The following PELI2 variants were observed in gnomAD, a reference collection of about 807,000 sequenced individuals.
PELI2 encodes the protein E3 ubiquitin-protein ligase pellino homolog 2.
A neutral mutation model predicts 42.3 loss-of-function variants in PELI2; 23 were observed. The ratio of observed to expected loss-of-function variants is 0.54; its 90% CI spans 0.39 to 0.77. The LOEUF (loss-of-function observed/expected upper bound fraction) is 0.77, where lower values mean the gene tolerates loss of function less well. PELI2 is among the 30% of genes least tolerant of loss of function. The pLI is 0.00. For synonymous variants in PELI2, 245 were observed against 212.2 expected (o/e 1.15, Z -1.34); for missense variants, 463 against 553.2 (o/e 0.84, Z 1.64).
intron 2 of PELI2, among the ~76,000 whole-genome samples, chr14:56,182,352 C>G (rs371923199): frequency 6.6e-6 from 1 of 152,008 alleles, no homozygotes; most frequent in South Asian, 2.1e-4. Flanking sequence ...TTTATGTGTT[C>G]GTTTACTTTT....
chr14:56,219,773 A>T lies in PELI2; in HGVS notation c.207+41309A>T, dbSNP rs186009889. On this transcript the variant is annotated intron_variant, in intron 2 of 5. Coordinates refer to ENST00000267460, the MANE Select transcript of PELI2 (RefSeq NM_021255.3). The surrounding 1 kb of genome is among the most constrained non-coding windows in gnomAD (Gnocchi z 4.1). Reference sequence around the variant, plus strand: ...AAATGACACGACATGCCTTGACTCTATTCAGTTAGAGTCATTTATTTATTT... The same window carrying T: ...AAATGACACGACATGCCTTGACTCTTTTCAGTTAGAGTCATTTATTTATTT... 2.0e-5 allele frequency among the ~76,000 whole-genome samples: 3 copies of T among 152,316 alleles called. No homozygotes were observed. The highest frequency in any genetic ancestry group is 1.9e-4 in the East Asian group (1 of 5,184).
At chr14:56,218,702 C>T (rs201107628) in intron 2 of PELI2, among the ~76,000 whole-genome samples, 7 of 149,708 alleles carry the variant, frequency 4.7e-5, no homozygotes, top group African/African-American at 1.2e-4. Context: ...CACATGTGTG[C>T]GTGTGTGTGT....
chr14:56,205,330 C>G (rs1386254538), intron 2 of PELI2, among the ~76,000 whole-genome samples: 1 of 152,042 alleles, frequency 6.6e-6, no homozygotes, highest in Non-Finnish European at 1.5e-5. Flanking sequence ...ATAGTGGAGT[C>G]AAGGAAGGAT....
Position 56,219,178 on chromosome 14 carries a change from A to G in PELI2, c.207+40714A>G, listed in dbSNP as rs1887032762. ...TTTTTTTGGATGACTTGAGGACAAT[A>G]AGGTGTTTGTTTATTTATTTATTTA... On this transcript the variant is annotated intron_variant, in intron 2 of 5. Transcript: ENST00000267460. The surrounding 1 kb of genome is among the most constrained non-coding windows in gnomAD (Gnocchi z 4.1). Among the ~76,000 whole-genome samples, 1 of 151,778 alleles carries G rather than the reference A, an allele frequency of 6.6e-6. No homozygotes were observed. Among genetic ancestry groups the G allele is most frequent in the Non-Finnish European group, 1.5e-5 (1 of 67,958 alleles).
intron 1 of PELI2, among the ~76,000 whole-genome samples, chr14:56,155,655 C>T (rs1269320068): frequency 6.6e-6 from 1 of 150,856 alleles, no homozygotes; most frequent in Non-Finnish European, 1.5e-5. Context: ...GATCTCGGCT[C>T]ACTGCAACCT....
chr14:56,199,988 G>A (rs1159677759), intron 2 of PELI2, among the ~76,000 whole-genome samples: 2 of 152,154 alleles, frequency 1.3e-5, no homozygotes, highest in East Asian at 3.8e-4. Flanking sequence ...GTAGACAGTG[G>A]GTCTGTATGA....
At position 56,297,800 on chromosome 14, in the gene PELI2, C is replaced by G. The variant is rs1026928965; in HGVS notation, c.*634C>G. 2 of 150,056 alleles carry G rather than the reference C, an allele frequency of 1.3e-5. No individual in the cohort carries two copies. Among genetic ancestry groups the G allele is most frequent in the African/African-American group, 4.9e-5 (2 of 40,624 alleles). The allele number at this position is 150,056 out of a possible 1,614,324, so 9.3% of individuals were successfully genotyped here. A position where few individuals can be genotyped will look rare whatever the true frequency, so the allele number is the denominator to read the frequency against. ...TTTTTTTTAACTTCAGTGGAATTTA[C>G]TTTAGATATTCATTCATCAAATACA... On this transcript the variant is annotated 3_prime_UTR_variant, in exon 6 of 6. Transcript: ENST00000267460.
At position 56,293,328 on chromosome 14, in the gene PELI2, T is replaced by C. The variant is rs188156364; in HGVS notation, c.696+2872T>C. Among the ~76,000 whole-genome samples, 874 of 152,254 alleles carry C rather than the reference T, an allele frequency of 5.7e-3. 9 individuals are homozygous for C. The highest frequency in any genetic ancestry group is 0.014 in the Middle Eastern group (4 of 294). On this transcript the variant is annotated intron_variant, in intron 5 of 5. Transcript: ENST00000267460. ...ATAGCTTTTCTTTTGTGGTAGAATT[T>C]AAAAAATAAAATCTGAATTCATGCC... is the stretch of plus-strand genomic sequence containing the variant.
intron 5 of PELI2, among the ~76,000 whole-genome samples, chr14:56,291,823 G>A (rs1055392204): frequency 2.6e-5 from 4 of 152,230 alleles, no homozygotes; most frequent in Non-Finnish European, 4.4e-5. Flanking sequence ...AAGATGTGGC[G>A]TGAAGTTAAA....
intron 5 of PELI2, among the ~76,000 whole-genome samples, chr14:56,293,963 C>T (rs1407809318): frequency 6.6e-6 from 1 of 152,130 alleles, no homozygotes; most frequent in Non-Finnish European, 1.5e-5. Flanking sequence ...ATGAGGCCTC[C>T]TCTGAGAATT....
At chr14:56,203,942 C>G (rs1246102385) in intron 2 of PELI2, among the ~76,000 whole-genome samples, 1 of 152,024 alleles carries the variant, frequency 6.6e-6, no homozygotes. Flanking sequence ...GAGAAAATGA[C>G]AAATGAAGGA....
Position 56,118,520 on chromosome 14 carries a change from C to A in PELI2, c.-141C>A, listed in dbSNP as rs1882933593. ...GGAGCAGCAGCGGGACTGGCCGCCC[C>A]GCGCCCCCTTCGCCGCCGTGCCCTT... is the stretch of plus-strand genomic sequence containing the variant. On this transcript the variant is annotated 5_prime_UTR_variant, in exon 1 of 6. Transcript: ENST00000267460. 4.6e-6 allele frequency: 2 copies of A among 437,984 alleles called. No homozygotes were observed. The highest frequency in any genetic ancestry group is 7.5e-6 in the Non-Finnish European group (2 of 267,464). 27.1% of individuals were successfully genotyped at this position (437,984 alleles called of 1,614,324 possible).
chr14:56,175,328 A>G (rs1008706757), intron 1 of PELI2, among the ~76,000 whole-genome samples: 1 of 152,216 alleles, frequency 6.6e-6, no homozygotes, highest in Non-Finnish European at 1.5e-5. Flanking sequence ...TGCTTCCACC[A>G]TGAAGCCTTC....
At chr14:56,274,674 A>G (rs767787195) in intron 2 of PELI2, among the ~76,000 whole-genome samples, 37 of 152,346 alleles carry the variant, frequency 2.4e-4, no homozygotes, top group Non-Finnish European at 4.4e-4. Context: ...TTGAAGCAGG[A>G]CAGCCAGTTC....
chr14:56,279,819 C>CT (rs776370924), intron 3 of PELI2, 42 bp downstream of exon 3: 18 of 969,882 alleles, frequency 1.9e-5, no homozygotes, highest in Non-Finnish European at 2.8e-5. Context: ...GCACGTTTTC[C>CT]TTTAATTCTC....
chr14:56,233,208 C>G (rs1182647695), intron 2 of PELI2, among the ~76,000 whole-genome samples: 1 of 152,178 alleles, frequency 6.6e-6, no homozygotes, highest in African/African-American at 2.4e-5. Context: ...AATGCCATCC[C>G]CATCAAGCTA....
At chr14:56,139,544 C>T (rs780512421) in intron 1 of PELI2, among the ~76,000 whole-genome samples, 3 of 151,858 alleles carry the variant, frequency 2.0e-5, no homozygotes, top group Admixed American at 6.6e-5. Context: ...TCTTTGGGTA[C>T]GTTTTACATT....
At chr14:56,229,466 T>G (rs1051851268) in intron 2 of PELI2, among the ~76,000 whole-genome samples, 1 of 152,184 alleles carries the variant, frequency 6.6e-6, no homozygotes, top group Non-Finnish European at 1.5e-5. Context: ...CCACTGGTGA[T>G]ACCAAGGCAA....
rs1886177379 is a variant in PELI2, at chr14:56,197,813, C to G, written c.207+19349C>G. Among the ~76,000 whole-genome samples, 1 of 152,028 alleles carries G rather than the reference C, an allele frequency of 6.6e-6. No individual in the cohort carries two copies. The highest frequency in any genetic ancestry group is 1.5e-5 in the Non-Finnish European group (1 of 68,004). ...CAAGAGGGAATTATCAGCAGATGGC[C>G]TTCAGACTTGAACTGCAGTCTTGGT... On this transcript the variant is annotated intron_variant, in intron 2 of 5. Coordinates refer to ENST00000267460, the MANE Select transcript of PELI2 (RefSeq NM_021255.3). This position sits in a 1 kb window ranked among gnomAD's most constrained non-coding sequence, Gnocchi z 4.9.
Sources: gnomAD v4.1 joint callset for allele counts (sites outside exome capture counted in the v4.1 genomes callset) on GRCh38, gnomAD v4.1.1 for gene constraint, Gnocchi (gnomAD v3.1) non-coding constraint, MANE v1.5 for transcripts, NCBI Gene and HGNC (gene_info 2026-07-23, HGNC 2026-07-21) for gene names.